PRICKLE1: variants seen among roughly 807,000 people sequenced by gnomAD.
The protein encoded by PRICKLE1 is prickle-like protein 1.
Under a neutral mutation model 70.2 loss-of-function variants are expected in PRICKLE1, and 14 were observed. The ratio of observed to expected loss-of-function variants is 0.20; its 90% confidence interval spans 0.13 to 0.31. PRICKLE1 has a LOEUF of 0.31. Ranked by LOEUF, PRICKLE1 falls within the 10% of genes least tolerant of loss-of-function variation. PRICKLE1 has a pLI of 1.00. For synonymous variants in PRICKLE1, 357 were observed against 379.9 expected (o/e 0.94, Z 0.70); for missense variants, 821 against 1,026.2 (o/e 0.80, Z 2.73).
chr12:42,567,751 C>T (rs10880316), intron 1 of PRICKLE1, among the ~76,000 whole-genome samples: 37,553 of 143,764 alleles, frequency 0.26, 5,153 homozygotes, highest in East Asian at 0.46. Flanking sequence ...AGCTTGAACC[C>T]GGGAGGCAGA....
At chr12:42,559,259 T>C (rs1053864203) in intron 1 of PRICKLE1, among the ~76,000 whole-genome samples, 1 of 152,178 alleles carries the variant, frequency 6.6e-6, no homozygotes, top group Non-Finnish European at 1.5e-5. Flanking sequence ...AGACCTTAAA[T>C]TCAGAAGAGC....
Position 42,459,812 on chromosome 12 carries a change from A to G in PRICKLE1, c.2493T>C (p.Ser831=), listed in dbSNP as rs1937729373. ...AATGCTCTGCATCACTACTTGGTTAAGAAATAATACAATTTTTGCCCTTGT... is the reference window on the plus strand; with the variant it reads ...AATGCTCTGCATCACTACTTGGTTAGGAAATAATACAATTTTTGCCCTTGT... ...KGHKGKNCII[S] is the part of the protein sequence containing the mutation. The change falls in exon 8 of 8, where the codon TCT becomes TCC. Residue 831 remains serine, a synonymous_variant. Transcript: ENST00000345127. 1.9e-6 allele frequency: 3 copies of G among 1,614,094 alleles called. No individual in the cohort carries two copies. The African/African-American group carries it at 4.0e-5, about 22-fold the overall frequency.
chr12:42,508,222 T>A (rs367975257), intron 1 of PRICKLE1, among the ~76,000 whole-genome samples: 1 of 152,208 alleles, frequency 6.6e-6, no homozygotes, highest in Non-Finnish European at 1.5e-5. Flanking sequence ...AAGTATTTTT[T>A]ATAAAGGATC....
chr12:42,543,516 T>G (rs1014226035), intron 1 of PRICKLE1, among the ~76,000 whole-genome samples: 2 of 151,990 alleles, frequency 1.3e-5, no homozygotes, highest in African/African-American at 4.8e-5. Context: ...AACTTTTGAC[T>G]CCTCAAAACT....
chr12:42,459,356 G>A lies in PRICKLE1; in HGVS notation c.*453C>T. 1 of 702,380 alleles carries A rather than the reference G, an allele frequency of 1.4e-6. No individual in the cohort carries two copies. Among genetic ancestry groups the A allele is most frequent in the Non-Finnish European group, 2.6e-6 (1 of 384,980 alleles). The allele number at this position is 702,380 out of a possible 1,614,324, so 43.5% of individuals were successfully genotyped here. ...AGCTGGCCTCACAATAAGATGCACA[G>A]TGTTAGCTAGGTCATCGTGACAGGC... On this transcript the variant is annotated 3_prime_UTR_variant, in exon 8 of 8. Coordinates refer to ENST00000345127, the MANE Select transcript of PRICKLE1 (RefSeq NM_153026.3).
At chr12:42,560,103 A>ATT (rs1940483606) in intron 1 of PRICKLE1, among the ~76,000 whole-genome samples, 1 of 139,894 alleles carries the variant, frequency 7.1e-6, no homozygotes, top group Admixed American at 7.4e-5. Flanking sequence ...AATCTCCTTT[A>ATT]ATTATTATTA....
At chr12:42,571,699 A>G (rs1566131723) in intron 1 of PRICKLE1, among the ~76,000 whole-genome samples, 1 of 152,188 alleles carries the variant, frequency 6.6e-6, no homozygotes, top group African/African-American at 2.4e-5. Flanking sequence ...ACTGATATTA[A>G]CATACAGCCT....
At chr12:42,470,941 C>T (rs1179773286) in intron 2 of PRICKLE1, among the ~76,000 whole-genome samples, 1 of 151,922 alleles carries the variant, frequency 6.6e-6, no homozygotes, top group Non-Finnish European at 1.5e-5. Flanking sequence ...CTCAGCCAGT[C>T]TTCCAAGGGG....
intron 1 of PRICKLE1, among the ~76,000 whole-genome samples, chr12:42,531,389 G>C (rs1228717657): frequency 6.6e-6 from 1 of 152,082 alleles, no homozygotes; most frequent in Non-Finnish European, 1.5e-5. Flanking sequence ...AAAATGTTAG[G>C]TTATACATTC....
rs1369470132 is a variant in PRICKLE1 at position 42,459,354 on chromosome 12, C to G, written c.*455G>C. On this transcript the variant is annotated 3_prime_UTR_variant, in exon 8 of 8. Coordinates refer to ENST00000345127, the MANE Select transcript of PRICKLE1 (RefSeq NM_153026.3). ...CAAGCTGGCCTCACAATAAGATGCA[C>G]AGTGTTAGCTAGGTCATCGTGACAG... is the stretch of plus-strand genomic sequence containing the variant. 1.4e-6 allele frequency: 1 copy of G among 702,318 alleles called. No homozygotes were observed. Among genetic ancestry groups the G allele is most frequent in the Admixed American group, 2.0e-5 (1 of 49,998 alleles). 43.5% of individuals were successfully genotyped at this position (702,318 alleles called of 1,614,324 possible). A position where few individuals can be genotyped will look rare whatever the true frequency, so the allele number is the denominator to read the frequency against.
rs766349772 is a variant in PRICKLE1 at position 42,464,689 on chromosome 12, C to A, written c.1345G>T (p.Val449Phe). The change falls in exon 7 of 8, where the codon GTT becomes TTT. Residue 449 changes from valine (V) to phenylalanine (F), a missense_variant. Val to Phe is a conservative substitution (Grantham distance 50). Coordinates refer to ENST00000345127, the MANE Select transcript of PRICKLE1 (RefSeq NM_153026.3). The surrounding 1 kb of genome is among the most constrained non-coding windows in gnomAD (Gnocchi z 4.2). The stretch of plus-strand genomic sequence containing the variant: ...TGCTTTAACTCGGTCTTACTTTTAA[C>A]CATGTTATCAGATATCCAGTGCTCA... Reference protein sequence around the residue: ...ASEHWISDNMVKSKTELKQNN... With the variant: ...ASEHWISDNMFKSKTELKQNN... 8 of 1,613,936 alleles carry A rather than the reference C, an allele frequency of 5.0e-6. No homozygotes were observed. In the African/African-American group the frequency reaches 1.1e-4, roughly 22 times the overall value.
In PRICKLE1 at chr12:42,550,038, C is replaced by T. The variant is rs1332513125; in HGVS notation, c.-49+39427G>A. Among the ~76,000 whole-genome samples, 4 of 152,208 alleles carry T rather than the reference C, an allele frequency of 2.6e-5. No homozygotes were observed. In the East Asian group the frequency reaches 7.7e-4, roughly 29 times the overall value. ...TGACACCTTTGCACATGCTGAAATG[C>T]TCCACTGTCCATGTACCTCACAGTA... is the stretch of plus-strand genomic sequence containing the variant. On this transcript the variant is annotated intron_variant, in intron 1 of 7. Transcript: ENST00000345127.
At chr12:42,559,274 T>G (rs1169102853) in intron 1 of PRICKLE1, among the ~76,000 whole-genome samples, 2 of 152,306 alleles carry the variant, frequency 1.3e-5, no homozygotes, top group East Asian at 3.9e-4. Flanking sequence ...AAGAGCTATT[T>G]TGATGTCAAG....
chr12:42,476,694 G>A (rs999915848), intron 1 of PRICKLE1, among the ~76,000 whole-genome samples: 2 of 152,086 alleles, frequency 1.3e-5, no homozygotes, highest in East Asian at 3.9e-4. Flanking sequence ...CACCCAGGCT[G>A]GAGTGCAGTG....
intron 7 of PRICKLE1, 94 bp from the exon 8 acceptor site, chr12:42,460,759 A>C: frequency 6.9e-7 from 1 of 1,452,074 alleles, no homozygotes; most frequent in Non-Finnish European, 9.5e-7. Context: ...ATTTCAAAGA[A>C]AATTTCCAAT....
chr12:42,525,120 A>T (rs377497453), intron 1 of PRICKLE1: 12 of 152,330 alleles, frequency 7.9e-5, no homozygotes, highest in African/African-American at 2.6e-4. Context: ...AAGGGGTTTC[A>T]CCAACTTAGT....
At chr12:42,579,441 G>C (rs57566659) in intron 1 of PRICKLE1, among the ~76,000 whole-genome samples, 14,235 of 152,242 alleles carry the variant, frequency 0.094, 744 homozygotes, top group African/African-American at 0.13. Flanking sequence ...CTCTGAACCA[G>C]CTCTCAATTT....
At chr12:42,573,256 G>A (rs1425082523) in intron 1 of PRICKLE1, among the ~76,000 whole-genome samples, 1 of 152,180 alleles carries the variant, frequency 6.6e-6, no homozygotes, top group African/African-American at 2.4e-5. Context: ...AATGGGCATT[G>A]CCATCAAGCC....
intron 1 of PRICKLE1, among the ~76,000 whole-genome samples, chr12:42,574,901 T>A (rs1411465036): frequency 6.6e-6 from 1 of 151,122 alleles, no homozygotes; most frequent in African/African-American, 2.4e-5. Context: ...TTCTGCTTGG[T>A]AAAGCTTTTT....
Sources: allele counts gnomAD v4.1 joint callset (sites outside exome capture counted in the v4.1 genomes callset), GRCh38; gene constraint gnomAD v4.1.1; non-coding constraint Gnocchi (gnomAD v3.1); transcripts MANE v1.5; gene names NCBI Gene and HGNC (gene_info 2026-07-23, HGNC 2026-07-21).